CSGALNACT1: variants seen among roughly 807,000 people sequenced by gnomAD.
The protein encoded by CSGALNACT1 is beta4GalNAcT-1.
In CSGALNACT1, 52 loss-of-function variants were observed where a neutral mutation model predicts 51.0. The observed-to-expected ratio is 1.02, with a 90% CI of 0.82 to 1.29. The LOEUF is 1.29. Among genes scored for constraint, CSGALNACT1 ranks in the 50% most tolerant of loss-of-function variants. The pLI, the probability that CSGALNACT1 is intolerant of heterozygous loss-of-function variation, is 0.00. For synonymous variants in CSGALNACT1, 341 were observed against 254.4 expected (o/e 1.34, Z -3.24); for missense variants, 935 against 679.2 (o/e 1.38, Z -4.19).
intron 3 of CSGALNACT1, among the ~76,000 whole-genome samples, chr8:19,565,131 A>G (rs900618158): frequency 7.9e-5 from 12 of 152,374 alleles, no homozygotes; most frequent in African/African-American, 2.6e-4. Flanking sequence ...CTGTATATAG[A>G]GAGAACAGAT....
At chr8:19,509,956 G>A (rs2078154009) in intron 3 of CSGALNACT1, among the ~76,000 whole-genome samples, 1 of 152,154 alleles carries the variant, frequency 6.6e-6, no homozygotes, top group Non-Finnish European at 1.5e-5. Context: ...TCTCTTGGGG[G>A]TGGCTGTGGG....
chr8:19,416,821 A>T (rs115827293), intron 8 of CSGALNACT1, among the ~76,000 whole-genome samples: 33 of 152,050 alleles, frequency 2.2e-4, no homozygotes, highest in African/African-American at 7.7e-4. Flanking sequence ...GATACATGAC[A>T]TCTCTCTATT....
chr8:19,538,810 G>T (rs1355808364), intron 3 of CSGALNACT1, among the ~76,000 whole-genome samples: 3 of 152,064 alleles, frequency 2.0e-5, no homozygotes, highest in African/African-American at 7.2e-5. Flanking sequence ...TGGTTCCGTT[G>T]CTTCCTAGAT....
intron 4 of CSGALNACT1, among the ~76,000 whole-genome samples, chr8:19,478,943 C>T (rs1005402082): frequency 1.3e-5 from 2 of 152,130 alleles, no homozygotes; most frequent in African/African-American, 4.8e-5. Context: ...GTAGGAAAAA[C>T]ACCATCCAAC....
intron 1 of CSGALNACT1, among the ~76,000 whole-genome samples, chr8:19,677,063 G>A (rs1223762038): frequency 6.6e-6 from 1 of 151,752 alleles, no homozygotes; most frequent in Non-Finnish European, 1.5e-5. Context: ...TCAGTAAAAG[G>A]GAAGAAAGAA....
rs566131346 is a variant in CSGALNACT1 at position 19,508,631 on chromosome 8, C to T, written c.-296-2501G>A. Among the ~76,000 whole-genome samples, 27 of 152,262 alleles carry T rather than the reference C, an allele frequency of 1.8e-4. No individual in the cohort carries two copies. In the South Asian group the frequency reaches 3.1e-3, roughly 18 times the overall value. On this transcript the variant is annotated intron_variant, in intron 3 of 9. Transcript: ENST00000454498. ...TAAATTACCAGTGAAGACATGTTAT[C>T]GTGCTATTCTGCCACTTTCAACACT...
At chr8:19,503,345 T>C (rs1434487214) in intron 4 of CSGALNACT1, among the ~76,000 whole-genome samples, 2 of 152,196 alleles carry the variant, frequency 1.3e-5, no homozygotes, top group Non-Finnish European at 2.9e-5. Context: ...GCAAATATAC[T>C]GAGGGGCAAG....
intron 3 of CSGALNACT1, among the ~76,000 whole-genome samples, chr8:19,529,929 A>T (rs531108733): frequency 5.9e-5 from 9 of 152,218 alleles, no homozygotes; most frequent in African/African-American, 1.9e-4. Context: ...TTATTTTTTA[A>T]AATAGTCTCA....
intron 6 of CSGALNACT1, among the ~76,000 whole-genome samples, chr8:19,437,537 A>T (rs546777246): frequency 6.6e-6 from 1 of 152,262 alleles, no homozygotes; most frequent in Non-Finnish European, 1.5e-5. Flanking sequence ...AGAGGGCAGG[A>T]CATGGCCCAA....
intron 1 of CSGALNACT1, among the ~76,000 whole-genome samples, chr8:19,635,029 T>C (rs1427004610): frequency 2.0e-5 from 3 of 152,228 alleles, no homozygotes; most frequent in African/African-American, 4.8e-5. Flanking sequence ...TTTAAGTAAA[T>C]GTTGTACGTT....
intron 3 of CSGALNACT1, among the ~76,000 whole-genome samples, chr8:19,511,522 T>C (rs2078464177): frequency 6.6e-6 from 1 of 152,202 alleles, no homozygotes; most frequent in Admixed American, 6.5e-5. Context: ...GGATATAAAG[T>C]CAGCACTGTA....
intron 1 of CSGALNACT1, among the ~76,000 whole-genome samples, chr8:19,612,443 C>A (rs2052394793): frequency 1.3e-5 from 2 of 152,078 alleles, no homozygotes; most frequent in African/African-American, 4.8e-5. Flanking sequence ...ACCTCCCCAT[C>A]CCCGCCATAC....
At chr8:19,754,703 T>G (rs1034087714) in intron 1 of CSGALNACT1, among the ~76,000 whole-genome samples, 17 of 152,256 alleles carry the variant, frequency 1.1e-4, no homozygotes, top group African/African-American at 4.1e-4. Context: ...GTTGCCCTTT[T>G]CTAATAAAGT....
chr8:19,480,288 C>G (rs1586887232), intron 4 of CSGALNACT1, among the ~76,000 whole-genome samples: 2 of 152,280 alleles, frequency 1.3e-5, no homozygotes, highest in African/African-American at 4.8e-5. Context: ...AGGTAGGCAC[C>G]AGTGTGTGTT....
intron 5 of CSGALNACT1, among the ~76,000 whole-genome samples, chr8:19,448,279 G>A (rs1329162516): frequency 3.3e-5 from 5 of 152,074 alleles, no homozygotes; most frequent in Non-Finnish European, 5.9e-5. Context: ...ACACTTACTG[G>A]GCACCTTTGG....
At chr8:19,577,395 C>A (rs1463800627) in intron 3 of CSGALNACT1, among the ~76,000 whole-genome samples, 1 of 135,888 alleles carries the variant, frequency 7.4e-6, no homozygotes, top group Non-Finnish European at 1.5e-5. Context: ...CCCGACCCCA[C>A]CTCTACAAAA....
At chr8:19,704,936 G>C (rs1026227701) in intron 1 of CSGALNACT1, among the ~76,000 whole-genome samples, 1 of 152,186 alleles carries the variant, frequency 6.6e-6, no homozygotes, top group Non-Finnish European at 1.5e-5. Context: ...TGTGAAAACA[G>C]AGTTGGGAAA....
At chr8:19,621,446 C>T (rs1383440291) in intron 1 of CSGALNACT1, among the ~76,000 whole-genome samples, 7 of 151,964 alleles carry the variant, frequency 4.6e-5, no homozygotes, top group African/African-American at 1.7e-4. Context: ...AGTGTACTTC[C>T]AACATGAATA....
chr8:19,504,864 A>T (rs1420616163), intron 4 of CSGALNACT1, among the ~76,000 whole-genome samples: 1 of 152,240 alleles, frequency 6.6e-6, no homozygotes, highest in Non-Finnish European at 1.5e-5. Flanking sequence ...CTTGCTAACC[A>T]AGCTCAGTTA....
Sources: allele counts gnomAD v4.1 joint callset (sites outside exome capture counted in the v4.1 genomes callset), GRCh38; gene constraint gnomAD v4.1.1; transcripts MANE v1.5; gene names NCBI Gene and HGNC (gene_info 2026-07-23, HGNC 2026-07-21).